The following MEI1 variants were observed in gnomAD, a reference collection of about 807,000 sequenced individuals.
MEI1 encodes meiosis inhibitor protein 1.
A neutral mutation model predicts 146.2 loss-of-function variants in MEI1; 103 were observed. The observed-to-expected ratio is 0.70, with a 90% CI of 0.60 to 0.83. MEI1 has a LOEUF of 0.83. Among genes scored for constraint, MEI1 ranks in the 40% least tolerant of loss-of-function variants. MEI1 has a pLI of 0.00. For missense variants in MEI1, 1,529 were observed against 1,533.0 expected, an observed-to-expected ratio of 1.00 and a Z score of 0.04; for synonymous variants, 652 against 628.2, an observed-to-expected ratio of 1.04 and a Z score of -0.57.
At chr22:41,712,224 GT>G (rs375549191) in intron 3 of MEI1, among the ~76,000 whole-genome samples, 1 of 65,882 alleles carries the variant, frequency 1.5e-5, no homozygotes, top group Admixed American at 1.2e-4. Flanking sequence ...AAAGCATTGT[GT>G]TTTTTTTGTT....
intron 16 of MEI1, 177 bp from the exon 17 acceptor site, chr22:41,753,772 C>T (rs2073924634): frequency 1.8e-6 from 1 of 559,296 alleles, no homozygotes; most frequent in Admixed American, 2.9e-5. Context: ...AGCCACTGTG[C>T]CCAGCCCCAT....
chr22:41,770,275 C>T (rs552075724), intron 19 of MEI1, among the ~76,000 whole-genome samples: 1 of 152,262 alleles, frequency 6.6e-6, no homozygotes, highest in East Asian at 1.9e-4. Context: ...GACATGCACA[C>T]TGACAATTAC....
At chr22:41,730,374 A>G (rs2071747924) in intron 8 of MEI1, 147 bp from the exon 9 acceptor site, 3 of 588,996 alleles carry the variant, frequency 5.1e-6, no homozygotes, top group Non-Finnish European at 9.3e-6. Context: ...TTATTAGTGG[A>G]TTGATGATCA....
chr22:41,776,274 C>G lies in MEI1; in HGVS notation c.2710+7C>G. On this transcript the variant is annotated splice_region_variant and intron_variant, in intron 21 of 30. Coordinates refer to ENST00000401548, the MANE Select transcript of MEI1 (RefSeq NM_152513.4). ...GGGGCATCCCCATCAGGAGGTCAGT[C>G]TGCAGGTGCTGTGGGCACACTTTGA... 1 of 1,612,878 alleles carries G rather than the reference C, an allele frequency of 6.2e-7. No homozygotes were observed. The highest frequency in any genetic ancestry group is 8.5e-7 in the Non-Finnish European group (1 of 1,179,688).
Position 41,729,691 on chromosome 22 carries a change from G to C in MEI1, c.891G>C (p.Leu297=). The C allele has an allele frequency of 6.2e-7, 1 of 1,611,704 alleles. No homozygotes were observed. Among genetic ancestry groups the C allele is most frequent in the Non-Finnish European group, 8.5e-7 (1 of 1,179,048 alleles). ...TTCTCCTCTCTAGAGATGAAACCCTGCAGGTGGCCAGTGCTCACTGTATAA... is the reference window on the plus strand; with the variant it reads ...TTCTCCTCTCTAGAGATGAAACCCTCCAGGTGGCCAGTGCTCACTGTATAA... ...KKLLLSRDET[L]QVASAHCITA... The change falls in exon 8 of 31, where the codon CTG becomes CTC. Residue 297 remains leucine, a synonymous_variant. Coordinates refer to ENST00000401548, the MANE Select transcript of MEI1 (RefSeq NM_152513.4).
In MEI1 at chr22:41,773,529, T is replaced by G. The variant is rs573190030; in HGVS notation, c.2544+2568T>G. Among the ~76,000 whole-genome samples the G allele has an allele frequency of 1.1e-3, 169 of 150,760 alleles. 1 individual carries two copies. Among genetic ancestry groups the G allele is most frequent in the Admixed American group, 1.2e-3 (18 of 15,086 alleles). On this transcript the variant is annotated intron_variant, in intron 20 of 30. Coordinates refer to ENST00000401548, the MANE Select transcript of MEI1 (RefSeq NM_152513.4). ...CTAGAGCCCAAAGTGAGTAAGTTTTTCACTAACTTAGATCCTAGAGACATC... is the reference window on the plus strand; with the variant it reads ...CTAGAGCCCAAAGTGAGTAAGTTTTGCACTAACTTAGATCCTAGAGACATC...
At chr22:41,716,355 CTTTTTTTT>C (rs6147630) in intron 5 of MEI1, among the ~76,000 whole-genome samples, 96 of 118,390 alleles carry the variant, frequency 8.1e-4, no homozygotes, top group African/African-American at 2.9e-3. Flanking sequence ...TCCATTCATT[CTTTTTTTT>C]TTTTTTTTTT....
intron 11 of MEI1, 90 bp from the exon 12 acceptor site, chr22:41,742,990 C>A (rs530573679): frequency 9.2e-5 from 77 of 836,798 alleles, no homozygotes; most frequent in South Asian, 7.1e-4. Context: ...TCTGATCCAA[C>A]TGCACTGCCT....
rs1170596029 is a variant in MEI1 at position 41,793,874 on chromosome 22, T to C, written c.3391T>C (p.Leu1131=). ...SQACVGCLEA[L]LDYLDARSPD... ...GGCCTGTGTTGGCTGCCTGGAGGCC[T>C]TGCTTGACTACCTGGATGCCCGGAG... Residue 1131 remains leucine (L), a synonymous_variant, in exon 27 of 31, where the codon TTG becomes CTG. Coordinates refer to ENST00000401548, the MANE Select transcript of MEI1 (RefSeq NM_152513.4). The C allele has an allele frequency of 6.2e-7, 1 of 1,612,988 alleles. No individual in the cohort carries two copies.
chr22:41,720,433 T>C (rs2070663493), intron 6 of MEI1, among the ~76,000 whole-genome samples: 1 of 152,068 alleles, frequency 6.6e-6, no homozygotes, highest in Non-Finnish European at 1.5e-5. Context: ...AAAATTTTTA[T>C]TTACTTATTT....
chr22:41,758,980 A>G (rs2074276747), intron 18 of MEI1, among the ~76,000 whole-genome samples: 1 of 149,092 alleles, frequency 6.7e-6, no homozygotes, highest in African/African-American at 2.5e-5. Flanking sequence ...CTGTCTCCAC[A>G]AAACATACAA....
At chr22:41,796,630 A>G (rs1203544371) in intron 30 of MEI1, among the ~76,000 whole-genome samples, 1 of 152,232 alleles carries the variant, frequency 6.6e-6, no homozygotes, top group Non-Finnish European at 1.5e-5. Flanking sequence ...ATGTGATGCT[A>G]CAGGTGGAAA....
chr22:41,747,736 C>CCCAA (rs1569240908), intron 14 of MEI1, among the ~76,000 whole-genome samples: 3 of 133,212 alleles, frequency 2.3e-5, no homozygotes, highest in African/African-American at 5.8e-5. Context: ...CCCACCCCCC[C>CCCAA]AAAAAAAACA....
At chr22:41,761,981 G>A (rs371929723) in intron 18 of MEI1, among the ~76,000 whole-genome samples, 14 of 152,202 alleles carry the variant, frequency 9.2e-5, no homozygotes, top group African/African-American at 3.1e-4. Context: ...TCCTTTTATG[G>A]CTGATTAATA....
chr22:41,795,679 C>A lies in MEI1; in HGVS notation c.3667-56C>A. The A allele has an allele frequency of 6.3e-7, 1 of 1,592,498 alleles. No homozygotes were observed. The highest frequency in any genetic ancestry group is 8.6e-7 in the Non-Finnish European group (1 of 1,165,868). Reference sequence around the variant, plus strand: ...GTACAGAGGATGGAGGCAGTTAGGGCCTGTGTGGAATGGGCACTGAGGAGG... The same window carrying A: ...GTACAGAGGATGGAGGCAGTTAGGGACTGTGTGGAATGGGCACTGAGGAGG... On this transcript the variant is annotated intron_variant, in intron 29 of 30. Coordinates refer to ENST00000401548, the MANE Select transcript of MEI1 (RefSeq NM_152513.4). This position sits in a 1 kb window ranked among gnomAD's most constrained non-coding sequence, Gnocchi z 4.2.
At chr22:41,729,247 C>T (rs1202462885) in intron 7 of MEI1, among the ~76,000 whole-genome samples, 2 of 149,256 alleles carry the variant, frequency 1.3e-5, no homozygotes, top group African/African-American at 2.5e-5. Flanking sequence ...ATGAGAAGAT[C>T]GCTGGATACC....
At position 41,799,302 on chromosome 22, in the gene MEI1, C is replaced by A; in HGVS notation, c.*3C>A. 6.2e-7 allele frequency: 1 copy of A among 1,613,466 alleles called. No homozygotes were observed. Among genetic ancestry groups the A allele is most frequent in the Non-Finnish European group, 8.5e-7 (1 of 1,179,584 alleles). ...CCCTGTCCCACATCAGAAACTGATC[C>A]TCAGGACTTGAAGGCCCAGAAGTGG... is the stretch of plus-strand genomic sequence containing the variant. On this transcript the variant is annotated 3_prime_UTR_variant, in exon 31 of 31. Coordinates refer to ENST00000401548, the MANE Select transcript of MEI1 (RefSeq NM_152513.4).
At chr22:41,758,023 G>A (rs1478437451) in intron 17 of MEI1, among the ~76,000 whole-genome samples, 2 of 152,148 alleles carry the variant, frequency 1.3e-5, no homozygotes, top group Non-Finnish European at 2.9e-5. Flanking sequence ...CAGGAGAATT[G>A]CTTGAACCCA....
chr22:41,784,395 A>G lies in MEI1; in HGVS notation c.3144A>G (p.Pro1048=). The change falls in exon 25 of 31, where the codon CCA becomes CCG. Residue 1048 remains proline (P), a synonymous_variant. Coordinates refer to ENST00000401548, the MANE Select transcript of MEI1 (RefSeq NM_152513.4). ...MDQVLKALSF[P]KKKAALLSAA... ...AAGTATTGAAGGCTCTCAGCTTTCC[A>G]AAGAAAAAGGCTGCACTACTCTCAG... The G allele has an allele frequency of 1.2e-6, 2 of 1,614,002 alleles. No individual in the cohort carries two copies. The highest frequency in any genetic ancestry group is 1.7e-6 in the Non-Finnish European group (2 of 1,179,896).
Sources: gnomAD v4.1 joint callset for allele counts (sites outside exome capture counted in the v4.1 genomes callset) on GRCh38, gnomAD v4.1.1 for gene constraint, Gnocchi (gnomAD v3.1) non-coding constraint, MANE v1.5 for transcripts, NCBI Gene and HGNC (gene_info 2026-07-23, HGNC 2026-07-21) for gene names.